Variants in SLIT2 observed in about 807,000 individuals in gnomAD.
SLIT2 encodes slit homolog 2 protein.
SLIT2 carries 41 observed loss-of-function variants against 185.7 expected under a neutral mutation model. The ratio of observed to expected loss-of-function variants is 0.22; its 90% confidence interval spans 0.17 to 0.29. The LOEUF (loss-of-function observed/expected upper bound fraction) is 0.29, where lower values mean the gene tolerates loss of function less well. SLIT2 is among the 10% of genes least tolerant of loss of function. The pLI, the probability that SLIT2 is intolerant of heterozygous loss-of-function variation, is 1.00. For missense variants in SLIT2, 1,571 were observed against 1,909.0 expected, an observed-to-expected ratio of 0.82 and a Z score of 3.30; for synonymous variants, 693 against 680.2, an observed-to-expected ratio of 1.02 and a Z score of -0.29.
chr4:20,548,541 T>C lies in SLIT2; in HGVS notation c.2399T>C (p.Met800Thr). 1 of 1,605,140 alleles carries C rather than the reference T, an allele frequency of 6.2e-7. No individual in the cohort carries two copies. The highest frequency in any genetic ancestry group is 8.5e-7 in the Non-Finnish European group (1 of 1,172,088). ...STLSNQSFSNMTQLLTLILSY... is the reference protein window; with the variant it reads ...STLSNQSFSNTTQLLTLILSY... ...CTTTCTAATCAGAGCTTCAGCAACA[T>C]GACCCAGCTCCTCACCTTGTGAGTG... The change falls in exon 23 of 37, where the codon ATG (methionine) becomes ACG (threonine). Residue 800 changes from methionine to threonine, a missense_variant. Physicochemically the swap from Met to Thr is moderately conservative, Grantham distance 81 (BLOSUM62 -1). Coordinates refer to ENST00000504154, the MANE Select transcript of SLIT2 (RefSeq NM_004787.4).
intron 4 of SLIT2, among the ~76,000 whole-genome samples, chr4:20,443,114 A>G (rs958697300): frequency 2.6e-5 from 4 of 152,200 alleles, no homozygotes; most frequent in Admixed American, 2.6e-4. Context: ...GAATGCAGTG[A>G]CATTTTCAGC....
intron 4 of SLIT2, among the ~76,000 whole-genome samples, chr4:20,361,442 G>T (rs1474527595): frequency 1.3e-5 from 2 of 152,014 alleles, no homozygotes; most frequent in Admixed American, 6.6e-5. Context: ...TAGATTTCAG[G>T]ATCTCTCTTT....
chr4:20,552,147 T>C (rs1723812738), intron 25 of SLIT2, among the ~76,000 whole-genome samples: 1 of 152,164 alleles, frequency 6.6e-6, no homozygotes, highest in African/African-American at 2.4e-5. Context: ...AGCTACTAGC[T>C]CAGAGATGCA....
Position 20,298,542 on chromosome 4 carries a change from C to G in SLIT2, c.395+29661C>G, listed in dbSNP as rs536302549. Among the ~76,000 whole-genome samples the G allele has an allele frequency of 9.9e-5, 15 of 152,282 alleles. No individual in the cohort carries two copies. The South Asian group carries it at 3.1e-3, about 32-fold the overall frequency. On this transcript the variant is annotated intron_variant, in intron 4 of 36. Coordinates refer to ENST00000504154, the MANE Select transcript of SLIT2 (RefSeq NM_004787.4). The stretch of plus-strand genomic sequence containing the variant: ...TGGGAACAGCAGGACCCAGAGTTTA[C>G]TATATAACCTGCTCTTTAAAGGAAA...
At chr4:20,504,205 G>A (rs1718995363) in intron 9 of SLIT2, among the ~76,000 whole-genome samples, 1 of 151,944 alleles carries the variant, frequency 6.6e-6, no homozygotes, top group African/African-American at 2.4e-5. Flanking sequence ...TCAAATGATG[G>A]GCCAATCTTA....
chr4:20,320,517 G>A (rs988988593), intron 4 of SLIT2, among the ~76,000 whole-genome samples: 2 of 151,976 alleles, frequency 1.3e-5, no homozygotes, highest in African/African-American at 4.8e-5. Flanking sequence ...TGTTCTCCCT[G>A]CCTCTTGTCT....
At chr4:20,577,344 T>G (rs1726160916) in intron 29 of SLIT2, among the ~76,000 whole-genome samples, 1 of 152,344 alleles carries the variant, frequency 6.6e-6, no homozygotes, top group Non-Finnish European at 1.5e-5. Flanking sequence ...TGATTTTCCT[T>G]CTTTGAAATG....
rs1410774735 is a variant in SLIT2, at chr4:20,519,407, G to T, written c.1084G>T (p.Glu362Ter). ...TGTCCTCTATGGAAATAAAATCACAGAACTCCCCAAAAGTTTATTTGAAGG... is the reference window on the plus strand; with the variant it reads ...TGTCCTCTATGGAAATAAAATCACATAACTCCCCAAAAGTTTATTTGAAGG... ...SLVLYGNKIT[E>*]LPKSLFEGLF... The change falls in exon 12 of 37, where the codon GAA becomes TAA. Residue 362 changes from glutamate (E) to a stop codon, truncating the protein, a stop_gained. Transcript: ENST00000504154. LOFTEE classifies it high-confidence loss of function. 6.3e-7 allele frequency: 1 copy of T among 1,588,636 alleles called. No homozygotes were observed.
chr4:20,447,488 A>G (rs1226513221), intron 4 of SLIT2, among the ~76,000 whole-genome samples: 1 of 152,222 alleles, frequency 6.6e-6, no homozygotes, highest in African/African-American at 2.4e-5. Flanking sequence ...CACTTATTCT[A>G]ACATTGCTCT....
intron 4 of SLIT2, among the ~76,000 whole-genome samples, chr4:20,281,152 G>A (rs941168911): frequency 1.2e-4 from 19 of 152,068 alleles, no homozygotes; most frequent in Non-Finnish European, 2.4e-4. Context: ...AATGATTAAA[G>A]GAGATTTGAT....
At chr4:20,302,177 G>A (rs1301970412) in intron 4 of SLIT2, among the ~76,000 whole-genome samples, 4 of 152,156 alleles carry the variant, frequency 2.6e-5, no homozygotes, top group Non-Finnish European at 4.4e-5. Flanking sequence ...TTTCACTCAT[G>A]TTCGAATCTA....
intron 4 of SLIT2, among the ~76,000 whole-genome samples, chr4:20,337,277 A>G (rs1465645176): frequency 6.6e-6 from 1 of 152,186 alleles, no homozygotes; most frequent in Non-Finnish European, 1.5e-5. Flanking sequence ...GACATCTTAC[A>G]TGGATGGCAG....
chr4:20,383,473 A>C (rs1309450501), intron 4 of SLIT2, among the ~76,000 whole-genome samples: 1 of 152,204 alleles, frequency 6.6e-6, no homozygotes, highest in Non-Finnish European at 1.5e-5. Flanking sequence ...TATGCTTAAC[A>C]TATTACTCAC....
At chr4:20,589,564 A>G in intron 29 of SLIT2, 80 bp from the exon 30 acceptor site, 1 of 1,059,590 alleles carries the variant, frequency 9.4e-7, no homozygotes, top group East Asian at 2.4e-5. Context: ...AACCTCTAAG[A>G]CCCATGACAA....
chr4:20,351,130 C>T (rs1721837841), intron 4 of SLIT2, among the ~76,000 whole-genome samples: 1 of 151,388 alleles, frequency 6.6e-6, no homozygotes. Context: ...CTTACTGCAA[C>T]CTCCGCCTCC....
rs557997459 is a variant in SLIT2 at position 20,349,877 on chromosome 4, T to G, written c.395+80996T>G. On this transcript the variant is annotated intron_variant, in intron 4 of 36. Transcript: ENST00000504154. ...GGCATGCACTACACATCTTTCTGTCTCTTCAAGAGAAGAATAACATATGTC... is the reference window on the plus strand; with the variant it reads ...GGCATGCACTACACATCTTTCTGTCGCTTCAAGAGAAGAATAACATATGTC... Among the ~76,000 whole-genome samples the G allele has an allele frequency of 2.0e-5, 3 of 152,282 alleles. No individual in the cohort carries two copies. The East Asian group carries it at 5.8e-4, about 29-fold the overall frequency.
At chr4:20,330,238 T>C (rs1173932342) in intron 4 of SLIT2, among the ~76,000 whole-genome samples, 1 of 152,102 alleles carries the variant, frequency 6.6e-6, no homozygotes, top group Non-Finnish European at 1.5e-5. Context: ...AATAAATCAA[T>C]ATTCCAGGAG....
intron 4 of SLIT2, among the ~76,000 whole-genome samples, chr4:20,400,362 A>G (rs989766250): frequency 1.3e-5 from 2 of 151,720 alleles, no homozygotes; most frequent in African/African-American, 4.8e-5. Flanking sequence ...GAAGAAAAGA[A>G]GATAGATTTT....
chr4:20,562,928 A>G (rs1230489456), intron 26 of SLIT2, among the ~76,000 whole-genome samples: 1 of 151,734 alleles, frequency 6.6e-6, no homozygotes. Context: ...AGATTCTAGA[A>G]TATAGCTAGA....
Sources: gnomAD v4.1 joint callset for allele counts (sites outside exome capture counted in the v4.1 genomes callset) on GRCh38, gnomAD v4.1.1 for gene constraint, MANE v1.5 for transcripts, NCBI Gene and HGNC (gene_info 2026-07-23, HGNC 2026-07-21) for gene names.